HERC1: variants seen among roughly 807,000 people sequenced by gnomAD.
The protein encoded by HERC1 is HECT and RLD domain containing E3 ubiquitin protein ligase family member 1.
HERC1 carries 160 observed loss-of-function variants against 554.3 expected under a neutral mutation model. The ratio of observed to expected loss-of-function variants is 0.29; its 90% CI spans 0.25 to 0.33. HERC1 has a LOEUF of 0.33. Ranked by LOEUF, HERC1 falls within the 10% of genes least tolerant of loss-of-function variation. The pLI is 1.00. For synonymous variants in HERC1, 2,175 were observed against 2,131.7 expected (o/e 1.02, Z -0.56); for missense variants, 4,919 against 5,918.5 (o/e 0.83, Z 5.54).
At chr15:63,609,355 G>C in intron 77 of HERC1, 89 bp from the exon 78 acceptor site, 1 of 1,175,124 alleles carries the variant, frequency 8.5e-7, no homozygotes, top group South Asian at 1.7e-5. Flanking sequence ...CTGCCTTCAA[G>C]ATGGAATTAA....
chr15:63,797,791 A>G (rs963971412), intron 1 of HERC1, among the ~76,000 whole-genome samples: 7 of 152,226 alleles, frequency 4.6e-5, no homozygotes, highest in African/African-American at 1.7e-4. Context: ...CTGTATACCT[A>G]TGAGATTTCA....
chr15:63,809,822 A>G (rs1422134341), intron 1 of HERC1, among the ~76,000 whole-genome samples: 1 of 151,992 alleles, frequency 6.6e-6, no homozygotes, highest in Non-Finnish European at 1.5e-5. Context: ...AAAGCAATGA[A>G]AAGGGGAAAT....
rs2070029313 is a variant in HERC1, at chr15:63,656,295, T to C, written c.9663A>G (p.Leu3221=). The C allele has an allele frequency of 6.2e-7, 1 of 1,613,762 alleles. No homozygotes were observed. Among genetic ancestry groups the C allele is most frequent in the Non-Finnish European group, 8.5e-7 (1 of 1,179,820 alleles). ...CTGCTGCCAAGCACATTAATCGAAC[T>C]AGCGTTCGGATATCTGTTAGCCCCA... The part of the protein sequence containing the change: ...ESLGLTDIRT[L]VRLMCLAAAG... Residue 3221 remains leucine (L), a synonymous_variant, in exon 49 of 78, where the codon CTA becomes CTG. Coordinates refer to ENST00000443617, the MANE Select transcript of HERC1 (RefSeq NM_003922.4).
chr15:63,618,962 C>T (rs1478519609), intron 74 of HERC1, among the ~76,000 whole-genome samples: 1 of 152,160 alleles, frequency 6.6e-6, no homozygotes, highest in African/African-American at 2.4e-5. Context: ...TTGACTTCCT[C>T]TTTTCCTAAC....
At chr15:63,678,797 T>C (rs571308275) in intron 36 of HERC1, among the ~76,000 whole-genome samples, 6 of 152,150 alleles carry the variant, frequency 3.9e-5, no homozygotes, top group African/African-American at 1.4e-4. Context: ...GGATACACAC[T>C]GCAAATAAGA....
rs530695601 is a variant in HERC1 at position 63,799,944 on chromosome 15, A to T, written c.-26-24295T>A. Among the ~76,000 whole-genome samples, 184 of 152,232 alleles carry T rather than the reference A, an allele frequency of 1.2e-3. 1 individual carries two copies. Among genetic ancestry groups the T allele is most frequent in the African/African-American group, 4.4e-3 (181 of 41,546 alleles). On this transcript the variant is annotated intron_variant, in intron 1 of 77. Coordinates refer to ENST00000443617, the MANE Select transcript of HERC1 (RefSeq NM_003922.4). ...TTTGAGACCAGCCTGAGCCTGCGCA[A>T]CAGTGTGAGACTCCATCTTTACAGA...
chr15:63,652,311 T>C (rs1461289574), intron 52 of HERC1, 103 bp downstream of exon 52: 1 of 1,095,176 alleles, frequency 9.1e-7, no homozygotes, highest in African/African-American at 1.6e-5. Flanking sequence ...AAAGAAAATT[T>C]CAAAAAATTT....
chr15:63,794,400 T>C (rs925068414), intron 1 of HERC1, among the ~76,000 whole-genome samples: 1 of 152,196 alleles, frequency 6.6e-6, no homozygotes, highest in Admixed American at 6.5e-5. Flanking sequence ...TAGCTATTAC[T>C]GGTTGAATCA....
intron 3 of HERC1, among the ~76,000 whole-genome samples, chr15:63,760,278 A>C (rs923662478): frequency 2.0e-5 from 3 of 152,100 alleles, no homozygotes; most frequent in Non-Finnish European, 4.4e-5. Flanking sequence ...AAGCCATCTT[A>C]AATCCCAACT....
chr15:63,687,297 T>G (rs1397487220), intron 33 of HERC1, among the ~76,000 whole-genome samples: 1 of 152,162 alleles, frequency 6.6e-6, no homozygotes, highest in Admixed American at 6.5e-5. Flanking sequence ...CCCAGCAATT[T>G]GAGAGACCGA....
At chr15:63,683,747 C>G (rs2071602264) in intron 34 of HERC1, among the ~76,000 whole-genome samples, 1 of 152,166 alleles carries the variant, frequency 6.6e-6, no homozygotes, top group South Asian at 2.1e-4. Context: ...CTCCTGGGCT[C>G]AAGCAATCCT....
chr15:63,676,522 C>T (rs1221524345), intron 37 of HERC1, among the ~76,000 whole-genome samples: 5 of 151,954 alleles, frequency 3.3e-5, no homozygotes, highest in African/African-American at 7.3e-5. Flanking sequence ...TTTGGGAGGC[C>T]GAGGCAGGTG....
chr15:63,788,604 T>C (rs2076528962), intron 1 of HERC1, among the ~76,000 whole-genome samples: 1 of 152,166 alleles, frequency 6.6e-6, no homozygotes, highest in African/African-American at 2.4e-5. Context: ...TAATCTATAA[T>C]TAATAAAAAT....
chr15:63,724,834 G>A (rs376522641), intron 18 of HERC1, among the ~76,000 whole-genome samples: 20 of 152,210 alleles, frequency 1.3e-4, no homozygotes, highest in African/African-American at 4.6e-4. Context: ...TTTAAGTGGC[G>A]AAGAAAAAAT....
chr15:63,802,810 C>A (rs1437131386), intron 1 of HERC1, among the ~76,000 whole-genome samples: 1 of 152,190 alleles, frequency 6.6e-6, no homozygotes, highest in Non-Finnish European at 1.5e-5. Flanking sequence ...AATTCTGAAG[C>A]TTTTAGCATT....
chr15:63,636,756 A>G (rs62012834), intron 64 of HERC1, among the ~76,000 whole-genome samples: 24,328 of 152,120 alleles, frequency 0.16, 2,290 homozygotes, highest in Middle Eastern at 0.21. Flanking sequence ...CTACTTTCAC[A>G]TAGCACCTAT....
At chr15:63,687,586 T>C (rs2071847618) in intron 33 of HERC1, among the ~76,000 whole-genome samples, 1 of 152,020 alleles carries the variant, frequency 6.6e-6, no homozygotes, top group African/African-American at 2.4e-5. Context: ...ATTCATTCAA[T>C]GTGCATTTAT....
intron 21 of HERC1, 118 bp from the exon 22 acceptor site, chr15:63,716,591 G>T: frequency 1.3e-6 from 1 of 798,650 alleles, no homozygotes; most frequent in South Asian, 2.1e-5. Context: ...AATAACACAT[G>T]AACTTTACTA....
At position 63,718,555 on chromosome 15, in the gene HERC1, A is replaced by C; in HGVS notation, c.3978+19T>G. 1.3e-6 allele frequency: 2 copies of C among 1,532,288 alleles called. No individual in the cohort carries two copies. Among genetic ancestry groups the C allele is most frequent in the Non-Finnish European group, 1.8e-6 (2 of 1,133,566 alleles). 94.9% of individuals were successfully genotyped at this position (1,532,288 alleles called of 1,614,324 possible). ...CAGCTTGCAGAAAAACATAGAAATT[A>C]ATTGATTTCAAACTTTACCCATCTG... On this transcript the variant is annotated intron_variant, in intron 21 of 77. Transcript: ENST00000443617. This position sits in a 1 kb window ranked among gnomAD's most constrained non-coding sequence, Gnocchi z 4.2.
Sources: gnomAD v4.1 joint callset for allele counts (sites outside exome capture counted in the v4.1 genomes callset) on GRCh38, gnomAD v4.1.1 for gene constraint, Gnocchi (gnomAD v3.1) non-coding constraint, MANE v1.5 for transcripts, NCBI Gene and HGNC (gene_info 2026-07-23, HGNC 2026-07-21) for gene names.